The following FREM3 variants were observed in gnomAD, a reference collection of about 807,000 sequenced individuals.
FREM3 encodes FRAS1 related extracellular matrix 3, also known as FRAS1-related extracellular matrix protein 3.
In FREM3, 105 loss-of-function variants were observed where a neutral mutation model predicts 129.1. The observed-to-expected ratio is 0.81, with a 90% confidence interval of 0.69 to 0.96. The LOEUF (loss-of-function observed/expected upper bound fraction) is 0.96. Ranked by LOEUF, FREM3 falls within the 40% of genes least tolerant of loss-of-function variation. The pLI, the probability that FREM3 is intolerant of heterozygous loss-of-function variation, is 0.00. For synonymous variants in FREM3, 1,014 were observed against 1,044.9 expected (o/e 0.97, Z 0.57); for missense variants, 2,593 against 2,666.3 (o/e 0.97, Z 0.61).
intron 2 of FREM3, among the ~76,000 whole-genome samples, chr4:143,659,296 C>T (rs1281094316): frequency 3.3e-5 from 5 of 151,484 alleles, no homozygotes; most frequent in East Asian, 1.9e-4. Flanking sequence ...CCTGTGTCCA[C>T]GTGTTCTCAT....
chr4:143,661,543 A>T (rs1739723820), intron 2 of FREM3, among the ~76,000 whole-genome samples: 2 of 151,680 alleles, frequency 1.3e-5, no homozygotes, highest in African/African-American at 4.8e-5. Flanking sequence ...TATTGGTCTA[A>T]AATTCTCTTT....
chr4:143,694,501 A>G (rs766452304), intron 1 of FREM3, among the ~76,000 whole-genome samples: 10 of 152,212 alleles, frequency 6.6e-5, no homozygotes, highest in South Asian at 2.1e-4. Flanking sequence ...AATTATTAGT[A>G]TTTTAAAAAC....
intron 5 of FREM3, among the ~76,000 whole-genome samples, chr4:143,615,616 G>A (rs966833278): frequency 3.3e-5 from 5 of 151,706 alleles, no homozygotes; most frequent in Non-Finnish European, 5.9e-5. Flanking sequence ...TGGGATGCCC[G>A]TACAGTAAAA....
intron 6 of FREM3, among the ~76,000 whole-genome samples, chr4:143,593,479 T>C (rs1738404553): frequency 6.6e-6 from 1 of 152,232 alleles, no homozygotes; most frequent in Non-Finnish European, 1.5e-5. Flanking sequence ...TGCAGGTCTG[T>C]TGGAGTTTAC....
chr4:143,688,484 A>ATTG (rs1215043598), intron 2 of FREM3, among the ~76,000 whole-genome samples: 1 of 152,182 alleles, frequency 6.6e-6, no homozygotes, highest in Admixed American at 6.5e-5. Context: ...AATTCCCATC[A>ATTG]AAATACCACC....
chr4:143,580,330 C>A (rs551637839), intron 7 of FREM3, among the ~76,000 whole-genome samples: 1 of 152,196 alleles, frequency 6.6e-6, no homozygotes, highest in South Asian at 2.1e-4. Flanking sequence ...AGGGGAGGAT[C>A]CCCACCGTGG....
At chr4:143,614,522 T>C (rs78436767) in intron 5 of FREM3, among the ~76,000 whole-genome samples, 1,634 of 152,322 alleles carry the variant, frequency 0.011, 28 homozygotes, top group African/African-American at 0.038. Context: ...AGACACTTAT[T>C]GGGTCTCAAG....
chr4:143,578,855 T>C (rs1738085243), intron 7 of FREM3, among the ~76,000 whole-genome samples: 2 of 152,232 alleles, frequency 1.3e-5, no homozygotes, highest in Non-Finnish European at 2.9e-5. Flanking sequence ...CTAAATATAA[T>C]GCATGATTTA....
At position 143,624,281 on chromosome 4, in the gene FREM3, T is replaced by C. The variant is rs1739006657; in HGVS notation, c.5480A>G (p.Asn1827Ser). 1 of 1,536,998 alleles carries C rather than the reference T, an allele frequency of 6.5e-7. No homozygotes were observed. The highest frequency in any genetic ancestry group is 8.7e-7 in the Non-Finnish European group (1 of 1,146,822). ...TCCAGGATTGAACTGGATCTGTTTA[T>C]TGGTCTTCCATTTGAAATCTTTGTC... Reference protein sequence around the residue: ...KKDKDFKWKTNKQIQFNPGQT... With the variant: ...KKDKDFKWKTSKQIQFNPGQT... The change falls in exon 4 of 8, where the codon AAT (asparagine) becomes AGT (serine). Residue 1827 changes from asparagine (N) to serine (S), a missense_variant. This residue lies in a region of FREM3 where 317 missense variants were observed against 399.0 expected (regional missense o/e 0.79). Transcript: ENST00000329798.
chr4:143,658,111 A>G (rs1739633467), intron 2 of FREM3, among the ~76,000 whole-genome samples: 1 of 152,214 alleles, frequency 6.6e-6, no homozygotes, highest in Non-Finnish European at 1.5e-5. Context: ...TGGTCTTCAT[A>G]GTGCAAACAA....
intron 2 of FREM3, among the ~76,000 whole-genome samples, chr4:143,679,272 C>T (rs779038699): frequency 6.6e-6 from 1 of 152,076 alleles, no homozygotes; most frequent in Non-Finnish European, 1.5e-5. Context: ...CGAGTGTGCC[C>T]ATTAATTTTC....
chr4:143,691,420 A>T (rs1740467998), intron 2 of FREM3, among the ~76,000 whole-genome samples: 1 of 72,682 alleles, frequency 1.4e-5, no homozygotes, highest in African/African-American at 4.9e-5. Context: ...GGAAAAATTA[A>T]AAAAAAAAGA....
intron 6 of FREM3, among the ~76,000 whole-genome samples, chr4:143,598,757 A>T (rs2149836946): frequency 6.6e-6 from 1 of 152,284 alleles, no homozygotes; most frequent in East Asian, 1.9e-4. Flanking sequence ...TACCTTTTCT[A>T]TTTTAGATAC....
chr4:143,641,514 G>A (rs905038659), intron 2 of FREM3, among the ~76,000 whole-genome samples: 3 of 152,166 alleles, frequency 2.0e-5, no homozygotes, highest in South Asian at 2.1e-4. Context: ...AATAATTAGC[G>A]AGGAAAGGTT....
At chr4:143,582,519 TA>T (rs1302717401) in intron 7 of FREM3, among the ~76,000 whole-genome samples, 1 of 152,190 alleles carries the variant, frequency 6.6e-6, no homozygotes, top group African/African-American at 2.4e-5. Flanking sequence ...CAATTGACTA[TA>T]TTAAAATTAC....
chr4:143,655,957 C>G (rs932389562), intron 2 of FREM3, among the ~76,000 whole-genome samples: 5 of 152,164 alleles, frequency 3.3e-5, no homozygotes, highest in Non-Finnish European at 7.3e-5. Context: ...CTCCCTAGCT[C>G]ATAGGCATAA....
chr4:143,624,037 A>G, intron 4 of FREM3, 71 bp downstream of exon 4: 1 of 827,338 alleles, frequency 1.2e-6, no homozygotes, highest in Non-Finnish European at 2.0e-6. Flanking sequence ...AGCCTGAGGG[A>G]AGTATGAATG....
At chr4:143,635,386 C>T (rs1739216370) in intron 2 of FREM3, among the ~76,000 whole-genome samples, 1 of 152,134 alleles carries the variant, frequency 6.6e-6, no homozygotes, top group South Asian at 2.1e-4. Flanking sequence ...TGTAGTTATA[C>T]TCTAGTGCAT....
rs1029840524 is a variant in FREM3 at position 143,585,296 on chromosome 4, T to C, written c.6178+548A>G. Reference sequence around the variant, plus strand: ...CTTTTCCTATTGGGTCCTGTTCTTTTTCTGATAAAGCACCTGACAGGTACT... The same window carrying C: ...CTTTTCCTATTGGGTCCTGTTCTTTCTCTGATAAAGCACCTGACAGGTACT... On this transcript the variant is annotated intron_variant, in intron 7 of 7. Transcript: ENST00000329798. This position sits in a 1 kb window ranked among gnomAD's most constrained non-coding sequence, Gnocchi z 4.2. Among the ~76,000 whole-genome samples the C allele has an allele frequency of 1.3e-5, 2 of 152,238 alleles. No homozygotes were observed. The highest frequency in any genetic ancestry group is 2.4e-5 in the African/African-American group (1 of 41,462).
Sources: allele counts gnomAD v4.1 joint callset (sites outside exome capture counted in the v4.1 genomes callset), GRCh38; gene constraint gnomAD v4.1.1; regional missense constraint gnomAD v4.1.1; non-coding constraint Gnocchi (gnomAD v3.1); transcripts MANE v1.5; gene names NCBI Gene and HGNC (gene_info 2026-07-23, HGNC 2026-07-21).